Variants in PRKN observed in about 807,000 individuals in gnomAD.
PRKN encodes parkin RBR E3 ubiquitin protein ligase.
In PRKN, 56 loss-of-function variants were observed where a neutral mutation model predicts 59.5. The observed-to-expected ratio is 0.94, with a 90% confidence interval of 0.76 to 1.18. PRKN has a LOEUF of 1.18. Among genes scored for constraint, PRKN ranks in the 50% most tolerant of loss-of-function variants. The probability of loss-of-function intolerance (pLI) is 0.00; values close to 1 mark genes in which losing one functional copy is unlikely to be tolerated. For missense variants in PRKN, 657 were observed against 596.4 expected (o/e 1.10, Z -1.06); for synonymous variants, 250 against 222.1 (o/e 1.13, Z -1.12).
intron 6 of PRKN, among the ~76,000 whole-genome samples, chr6:161,939,019 T>G (rs974068320): frequency 2.0e-5 from 3 of 152,206 alleles, no homozygotes; most frequent in Non-Finnish European, 4.4e-5. Context: ...ATTATACTTT[T>G]AACAATTTAA....
chr6:162,477,274 C>A (rs1206649173), intron 1 of PRKN, among the ~76,000 whole-genome samples: 2 of 152,152 alleles, frequency 1.3e-5, no homozygotes, highest in Admixed American at 6.5e-5. Context: ...AGGAAATTAT[C>A]ATCTCTCAGG....
In PRKN at chr6:161,561,232, T is replaced by C. The variant is rs1780444555; in HGVS notation, c.933+8123A>G. On this transcript the variant is annotated intron_variant, in intron 8 of 11. Transcript: ENST00000366898. The surrounding 1 kb of genome is among the most constrained non-coding windows in gnomAD (Gnocchi z 5.0). ...TAAGAAATATTTTTATAAATGTTGG[T>C]AATAGTTATGATAATTAGTAGAATT... 6.6e-6 allele frequency among the ~76,000 whole-genome samples: 1 copy of C among 152,224 alleles called. No individual in the cohort carries two copies. The highest frequency in any genetic ancestry group is 2.1e-4 in the South Asian group (1 of 4,836).
chr6:161,400,483 T>A lies in PRKN; in HGVS notation c.1084-13606A>T, dbSNP rs1786980609. Among the ~76,000 whole-genome samples the A allele has an allele frequency of 6.6e-6, 1 of 152,008 alleles. No individual in the cohort carries two copies. Among genetic ancestry groups the A allele is most frequent in the African/African-American group, 2.4e-5 (1 of 41,368 alleles). On this transcript the variant is annotated intron_variant, in intron 9 of 11. Transcript: ENST00000366898. This position sits in a 1 kb window ranked among gnomAD's most constrained non-coding sequence, Gnocchi z 4.2. ...CCACCACGCCCAGCTAATTTTTGTATTTTTAGTAGAGACGGGGTTTCGCTT... is the reference window on the plus strand; with the variant it reads ...CCACCACGCCCAGCTAATTTTTGTAATTTTAGTAGAGACGGGGTTTCGCTT...
At chr6:162,049,196 G>C (rs958461710) in intron 5 of PRKN, among the ~76,000 whole-genome samples, 10 of 151,958 alleles carry the variant, frequency 6.6e-5, no homozygotes, top group Non-Finnish European at 1.0e-4. Flanking sequence ...AATTAATTAA[G>C]AATATATTAG....
rs573394070 is a variant in PRKN at position 161,589,841 on chromosome 6, G to A, written c.872-20425C>T. 4.8e-3 allele frequency among the ~76,000 whole-genome samples: 710 copies of A among 147,212 alleles called. 6 individuals are homozygous for A. The highest frequency in any genetic ancestry group is 0.017 in the African/African-American group (681 of 39,584). On this transcript the variant is annotated intron_variant, in intron 7 of 11. Transcript: ENST00000366898. Reference sequence around the variant, plus strand: ...GTCACCCAGGCTGGTGTGTAGTGGTGCAATCTCAGCTCACTGCAACCTCCA... The same window carrying A: ...GTCACCCAGGCTGGTGTGTAGTGGTACAATCTCAGCTCACTGCAACCTCCA...
intron 7 of PRKN, among the ~76,000 whole-genome samples, chr6:161,675,263 C>T (rs932549427): frequency 9.2e-5 from 14 of 152,174 alleles, no homozygotes; most frequent in Non-Finnish European, 1.6e-4. Flanking sequence ...AAATGTACAA[C>T]AGATTCCCTC....
At chr6:162,381,206 T>C (rs970221417) in intron 2 of PRKN, among the ~76,000 whole-genome samples, 7 of 152,178 alleles carry the variant, frequency 4.6e-5, no homozygotes, top group African/African-American at 1.7e-4. Context: ...CAGTTCCTGA[T>C]GTTTCCTAAA....
chr6:162,080,257 T>G (rs1779002507), intron 4 of PRKN, among the ~76,000 whole-genome samples: 1 of 152,142 alleles, frequency 6.6e-6, no homozygotes, highest in Admixed American at 6.5e-5. Flanking sequence ...GGCAAGTAAT[T>G]TCAATTCTAC....
chr6:162,071,002 CAG>C (rs1200217369), intron 4 of PRKN, among the ~76,000 whole-genome samples: 59 of 152,030 alleles, frequency 3.9e-4, no homozygotes, highest in African/African-American at 1.4e-3. Flanking sequence ...TGGAAATGGG[CAG>C]AGTGTCATTT....
chr6:161,521,424 T>C (rs1297386043), intron 9 of PRKN, among the ~76,000 whole-genome samples: 2 of 152,136 alleles, frequency 1.3e-5, no homozygotes, highest in African/African-American at 2.4e-5. Context: ...ATGCAGAAAC[T>C]CAACTGCACA....
chr6:162,332,661 C>T lies in PRKN; in HGVS notation c.172-69896G>A, dbSNP rs76133561. 2.4e-4 allele frequency among the ~76,000 whole-genome samples: 37 copies of T among 152,206 alleles called. No homozygotes were observed. In the East Asian group the frequency reaches 2.7e-3, roughly 11 times the overall value. On this transcript the variant is annotated intron_variant, in intron 2 of 11. Coordinates refer to ENST00000366898, the MANE Select transcript of PRKN (RefSeq NM_004562.3). ...TATGAAGTTACATGGCTTCTTTATC[C>T]CAGAAATTTATCATAATAAATAACC...
intron 6 of PRKN, among the ~76,000 whole-genome samples, chr6:161,787,442 A>C (rs1466777246): frequency 6.6e-6 from 1 of 152,176 alleles, no homozygotes; most frequent in Non-Finnish European, 1.5e-5. Flanking sequence ...ACACATGCTC[A>C]AGCACACACA....
intron 4 of PRKN, among the ~76,000 whole-genome samples, chr6:162,097,070 G>C (rs1779774480): frequency 6.6e-6 from 1 of 151,946 alleles, no homozygotes; most frequent in African/African-American, 2.4e-5. Context: ...TAGAGACAGA[G>C]TTTCACCATG....
At chr6:161,452,051 G>A (rs1448410175) in intron 9 of PRKN, among the ~76,000 whole-genome samples, 3 of 151,766 alleles carry the variant, frequency 2.0e-5, no homozygotes, top group African/African-American at 7.3e-5. Flanking sequence ...CCCCTCCCGG[G>A]TTCAAGCGAT....
intron 7 of PRKN, among the ~76,000 whole-genome samples, chr6:161,753,723 G>C: frequency 6.6e-6 from 1 of 152,194 alleles, no homozygotes; most frequent in Middle Eastern, 3.2e-3. Context: ...GCTCGGCTTG[G>C]AGCAAGGCCA....
chr6:162,349,087 T>A (rs1274008879), intron 2 of PRKN, among the ~76,000 whole-genome samples: 1 of 152,182 alleles, frequency 6.6e-6, no homozygotes, highest in Non-Finnish European at 1.5e-5. Flanking sequence ...TTGAAGAGAC[T>A]GATTTTGTAA....
At chr6:162,314,885 G>T (rs9458508) in intron 2 of PRKN, among the ~76,000 whole-genome samples, 55,368 of 151,928 alleles carry the variant, frequency 0.36, 11,866 homozygotes, top group Non-Finnish European at 0.48. Flanking sequence ...ATCTGTATGC[G>T]TTTCACAGGA....
intron 9 of PRKN, among the ~76,000 whole-genome samples, chr6:161,452,553 T>C (rs2115129138): frequency 6.6e-6 from 1 of 152,292 alleles, no homozygotes; most frequent in African/African-American, 2.4e-5. Flanking sequence ...TCTGTGTTTT[T>C]TAATTCTTTA....
At chr6:162,348,375 A>G (rs1486052726) in intron 2 of PRKN, among the ~76,000 whole-genome samples, 1 of 152,160 alleles carries the variant, frequency 6.6e-6, no homozygotes, top group Non-Finnish European at 1.5e-5. Flanking sequence ...AGAAGAGAAA[A>G]AAACATATCT....
Sources: gnomAD v4.1 joint callset for allele counts (sites outside exome capture counted in the v4.1 genomes callset) on GRCh38, gnomAD v4.1.1 for gene constraint, Gnocchi (gnomAD v3.1) non-coding constraint, MANE v1.5 for transcripts, NCBI Gene and HGNC (gene_info 2026-07-23, HGNC 2026-07-21) for gene names.